Variants in PTPRO observed in about 807,000 individuals in gnomAD.
PTPRO encodes receptor-type tyrosine-protein phosphatase O.
A neutral mutation model predicts 145.2 loss-of-function variants in PTPRO; 62 were observed. The observed-to-expected ratio is 0.43, with a 90% CI of 0.35 to 0.53. The LOEUF (loss-of-function observed/expected upper bound fraction) is 0.53. Ranked by LOEUF, PTPRO falls within the 20% of genes least tolerant of loss-of-function variation. The pLI is 0.01. For missense variants in PTPRO, 1,345 were observed against 1,482.7 expected (o/e 0.91, Z 1.53); for synonymous variants, 565 against 514.7 (o/e 1.10, Z -1.32).
At chr12:15,437,267 G>C (rs1405786271) in intron 1 of PTPRO, among the ~76,000 whole-genome samples, 1 of 151,772 alleles carries the variant, frequency 6.6e-6, no homozygotes, top group Non-Finnish European at 1.5e-5. Context: ...AGATCTCCAG[G>C]CATTCAGAGC....
rs750982167 is a variant in PTPRO at position 15,322,754 on chromosome 12, G to A, written c.28G>A (p.Gly10Ser). Reference protein sequence around the residue: MGHLPTGIHGARRLLPLLWL... With the variant: MGHLPTGIHSARRLLPLLWL... ...GGGGCACCTGCCCACGGGGATACAC[G>A]GCGCCCGCCGCCTCCTGCCTCTGCT... is the stretch of plus-strand genomic sequence containing the variant. The change falls in exon 1 of 27, where the codon GGC becomes AGC. Residue 10 changes from glycine to serine, a missense_variant. Gly to Ser is a moderately conservative substitution (Grantham distance 56, BLOSUM62 0). Transcript: ENST00000281171. This position sits in a 1 kb window ranked among gnomAD's most constrained non-coding sequence, Gnocchi z 6.3. The A allele has an allele frequency of 1.9e-6, 3 of 1,612,100 alleles. No homozygotes were observed. Among genetic ancestry groups the A allele is most frequent in the Non-Finnish European group, 2.5e-6 (3 of 1,179,388 alleles).
chr12:15,484,521 T>C (rs1327676094), intron 2 of PTPRO, among the ~76,000 whole-genome samples: 1 of 152,140 alleles, frequency 6.6e-6, no homozygotes, highest in Non-Finnish European at 1.5e-5. Context: ...AAATTCATGA[T>C]TGGACCATGT....
intron 1 of PTPRO, among the ~76,000 whole-genome samples, chr12:15,389,862 G>T (rs1464787208): frequency 6.6e-6 from 1 of 152,114 alleles, no homozygotes; most frequent in African/African-American, 2.4e-5. Flanking sequence ...TTCACTTCAT[G>T]TTTCTAGAGT....
chr12:15,431,958 A>G (rs1044706940), intron 1 of PTPRO, among the ~76,000 whole-genome samples: 1 of 152,080 alleles, frequency 6.6e-6, no homozygotes, highest in Non-Finnish European at 1.5e-5. Flanking sequence ...ACTAATACTC[A>G]TTATGAGACT....
chr12:15,564,168 C>A (rs576829837), intron 17 of PTPRO, among the ~76,000 whole-genome samples: 1 of 152,092 alleles, frequency 6.6e-6, no homozygotes, highest in East Asian at 1.9e-4. Context: ...AAAAATAGAA[C>A]AAGAACCATT....
intron 1 of PTPRO, among the ~76,000 whole-genome samples, chr12:15,376,883 G>C (rs950409649): frequency 3.9e-5 from 6 of 152,106 alleles, no homozygotes; most frequent in African/African-American, 9.7e-5. Context: ...TAAATGTTAA[G>C]AAGACACAAA....
In PTPRO at chr12:15,370,195, C is replaced by A. The variant is rs993335060; in HGVS notation, c.75+47394C>A. On this transcript the variant is annotated intron_variant, in intron 1 of 26. Transcript: ENST00000281171. ...CTCTAGATATTCACAGAAACTAGTA[C>A]GTGCCTTTAGAATTTTTAAAGAAAA... Among the ~76,000 whole-genome samples, 2 of 152,110 alleles carry A rather than the reference C, an allele frequency of 1.3e-5. 1 individual carries two copies. Among genetic ancestry groups the A allele is most frequent in the South Asian group, 4.1e-4 (2 of 4,832 alleles).
At chr12:15,561,356 T>A (rs778632613) in intron 17 of PTPRO, among the ~76,000 whole-genome samples, 18 of 152,034 alleles carry the variant, frequency 1.2e-4, no homozygotes, top group Non-Finnish European at 1.8e-4. Context: ...ACAGAATAAA[T>A]ACAGCTGGCA....
Position 15,589,487 on chromosome 12 carries a change from C to T in PTPRO, c.3443C>T (p.Ala1148Val), listed in dbSNP as rs1481427856. Residue 1148 changes from alanine (A) to valine (V), a missense_variant, in exon 25 of 27, where the codon GCC (alanine) becomes GTC (valine). This residue lies in a region of PTPRO where 208 missense variants were observed against 242.8 expected (regional missense o/e 0.86). Transcript: ENST00000281171. ...AGVGRTGTFI[A>V]LDRLLQHIRD... ...GTGGGACGGACAGGAACATTCATTGCCCTGGACAGGCTCTTGCAGCACATT... is the reference window on the plus strand; with the variant it reads ...GTGGGACGGACAGGAACATTCATTGTCCTGGACAGGCTCTTGCAGCACATT... The T allele has an allele frequency of 2.5e-6, 4 of 1,614,060 alleles. No individual in the cohort carries two copies. The highest frequency in any genetic ancestry group is 3.4e-6 in the Non-Finnish European group (4 of 1,180,004).
rs185142795 is a variant in PTPRO at position 15,370,475 on chromosome 12, T to C, written c.75+47674T>C. Among the ~76,000 whole-genome samples, 69 of 152,310 alleles carry C rather than the reference T, an allele frequency of 4.5e-4. No individual in the cohort carries two copies. In the Middle Eastern group the frequency reaches 0.01, roughly 23 times the overall value. On this transcript the variant is annotated intron_variant, in intron 1 of 26. Coordinates refer to ENST00000281171, the MANE Select transcript of PTPRO (RefSeq NM_030667.3). Reference sequence around the variant, plus strand: ...CTATGTGTGAATATTAATTTAATTATAGCATATAGAAAACTTCTCAAAGCA... The same window carrying C: ...CTATGTGTGAATATTAATTTAATTACAGCATATAGAAAACTTCTCAAAGCA...
At chr12:15,460,039 C>T (rs1342610497) in intron 1 of PTPRO, among the ~76,000 whole-genome samples, 3 of 152,170 alleles carry the variant, frequency 2.0e-5, no homozygotes, top group East Asian at 3.9e-4. Flanking sequence ...GCTAAGAAGG[C>T]TTCACATTGG....
chr12:15,344,524 G>T (rs1867127010), intron 1 of PTPRO, among the ~76,000 whole-genome samples: 1 of 152,200 alleles, frequency 6.6e-6, no homozygotes. Flanking sequence ...GATGAAAGCA[G>T]ATGTGGTATA....
chr12:15,481,950 G>T (rs1008164821), intron 1 of PTPRO, among the ~76,000 whole-genome samples: 1 of 151,988 alleles, frequency 6.6e-6, no homozygotes, highest in African/African-American at 2.4e-5. Context: ...CAGTATGGAG[G>T]TTCCTCAAAA....
chr12:15,518,205 C>A (rs901687239), intron 9 of PTPRO, among the ~76,000 whole-genome samples: 14 of 151,942 alleles, frequency 9.2e-5, no homozygotes, highest in African/African-American at 3.1e-4. Context: ...GGGGCTTGCA[C>A]CCTCTGAAGC....
rs146879117 is a variant in PTPRO at position 15,596,287 on chromosome 12, A to G, written c.*214A>G. On this transcript the variant is annotated 3_prime_UTR_variant, in exon 27 of 27. Transcript: ENST00000281171. ...ACTCTTTCACTTCGGGACATTTAAT[A>G]ATGGACCAAATTCAACAGAACACCA... The G allele has an allele frequency of 5.0e-4, 76 of 152,724 alleles. No individual in the cohort carries two copies. The highest frequency in any genetic ancestry group is 2.9e-3 in the South Asian group (14 of 4,822). The allele number at this position is 152,724 out of a possible 1,614,324, so 9.5% of individuals were successfully genotyped here. A position where few individuals can be genotyped will look rare whatever the true frequency, so the allele number is the denominator to read the frequency against.
intron 1 of PTPRO, among the ~76,000 whole-genome samples, chr12:15,367,468 T>C (rs1207484862): frequency 6.6e-6 from 1 of 152,244 alleles, no homozygotes; most frequent in African/African-American, 2.4e-5. Flanking sequence ...TCATGGACTT[T>C]AGCTAAGGCT....
chr12:15,493,663 T>C (rs1360839296), intron 2 of PTPRO, among the ~76,000 whole-genome samples: 2 of 152,130 alleles, frequency 1.3e-5, no homozygotes, highest in African/African-American at 2.4e-5. Context: ...GAAAATGATA[T>C]GGAGAAAGAG....
chr12:15,357,309 A>G (rs1591736287), intron 1 of PTPRO, among the ~76,000 whole-genome samples: 1 of 152,152 alleles, frequency 6.6e-6, no homozygotes, highest in East Asian at 1.9e-4. Context: ...GACTTCTTCC[A>G]CTCATTCTAC....
At chr12:15,400,476 G>A (rs577084738) in intron 1 of PTPRO, among the ~76,000 whole-genome samples, 149 of 152,192 alleles carry the variant, frequency 9.8e-4, no homozygotes, top group Middle Eastern at 3.4e-3. Flanking sequence ...GGCTCTGCAT[G>A]CCATTCCGTT....
Sources: gnomAD v4.1 joint callset for allele counts (sites outside exome capture counted in the v4.1 genomes callset) on GRCh38, gnomAD v4.1.1 for gene constraint, gnomAD v4.1.1 regional missense constraint, Gnocchi (gnomAD v3.1) non-coding constraint, MANE v1.5 for transcripts, NCBI Gene and HGNC (gene_info 2026-07-23, HGNC 2026-07-21) for gene names.